Variants in UPP2 observed in about 807,000 individuals in gnomAD.
The protein encoded by UPP2 is uridine phosphorylase 2, also known as UPase 2.
In UPP2, 23 loss-of-function variants were observed where a neutral mutation model predicts 26.7. That is an observed-to-expected ratio of 0.86 (90% CI 0.62 to 1.22). The LOEUF is 1.22. Among genes scored for constraint, UPP2 ranks in the 50% most tolerant of loss-of-function variants. UPP2 has a pLI of 0.00. For missense variants in UPP2, 387 were observed against 396.7 expected, an observed-to-expected ratio of 0.98 and a Z score of 0.21; for synonymous variants, 127 against 141.3, an observed-to-expected ratio of 0.90 and a Z score of 0.72.
chr2:158,080,468 T>A lies in UPP2; in HGVS notation c.148-21572T>A, dbSNP rs141889544. Among the ~76,000 whole-genome samples, 96 of 152,270 alleles carry A rather than the reference T, an allele frequency of 6.3e-4. 3 individuals are homozygous for A. In the East Asian group the frequency reaches 0.016, roughly 26 times the overall value. On this transcript the variant is annotated intron_variant, in intron 3 of 9. Transcript: ENST00000605860. ...CTGTGACAGAATTGTGCTGTACTGT[T>A]TTTCTTGCTTCCACAGCCAAGAGAA...
At chr2:158,035,925 A>G (rs550794440) in intron 3 of UPP2, among the ~76,000 whole-genome samples, 1 of 152,350 alleles carries the variant, frequency 6.6e-6, no homozygotes, top group African/African-American at 2.4e-5. Context: ...TTTTCACGTT[A>G]AACATACATT....
chr2:158,006,352 C>T (rs1683487769), intron 2 of UPP2, among the ~76,000 whole-genome samples: 1 of 151,840 alleles, frequency 6.6e-6, no homozygotes, highest in Non-Finnish European at 1.5e-5. Flanking sequence ...GCCTGTAGTC[C>T]CAGCTACTCT....
At chr2:158,027,728 G>A (rs1198126866) in intron 3 of UPP2, among the ~76,000 whole-genome samples, 2 of 152,192 alleles carry the variant, frequency 1.3e-5, no homozygotes, top group Non-Finnish European at 2.9e-5. Context: ...TTCTCCATGA[G>A]TGCCCCACCC....
chr2:158,012,988 C>G (rs75610766), intron 2 of UPP2, among the ~76,000 whole-genome samples: 8,137 of 151,902 alleles, frequency 0.054, 743 homozygotes, highest in African/African-American at 0.18. Context: ...TAGATTGTTT[C>G]GAATTTAAGC....
chr2:158,127,464 A>AG (rs1238339665), intron 6 of UPP2, among the ~76,000 whole-genome samples: 1 of 151,086 alleles, frequency 6.6e-6, no homozygotes, highest in Non-Finnish European at 1.5e-5. Context: ...GAGTGAATGA[A>AG]AAAAAAAAGG....
rs569110835 is a variant in UPP2, at chr2:158,076,901, G to T, written c.148-25139G>T. On this transcript the variant is annotated intron_variant, in intron 3 of 9. Transcript: ENST00000605860. ...AATTATTCTTGTTTGCAGATGATAT[G>T]ATCTTATATTTGGAAAAACCTAAAA... is the stretch of plus-strand genomic sequence containing the variant. Among the ~76,000 whole-genome samples the T allele has an allele frequency of 3.3e-5, 5 of 152,144 alleles. No homozygotes were observed. The South Asian group carries it at 1.0e-3, about 32-fold the overall frequency.
At chr2:158,010,874 T>TG (rs1683566235) in intron 2 of UPP2, among the ~76,000 whole-genome samples, 1 of 152,032 alleles carries the variant, frequency 6.6e-6, no homozygotes, top group East Asian at 1.9e-4. Flanking sequence ...CAAGTGATTC[T>TG]GGTGCCTTAG....
At chr2:158,076,673 C>T (rs1198988915) in intron 3 of UPP2, among the ~76,000 whole-genome samples, 2 of 151,916 alleles carry the variant, frequency 1.3e-5, no homozygotes, top group African/African-American at 4.8e-5. Flanking sequence ...CATACCTCAA[C>T]ACAATAAAAG....
intron 3 of UPP2, among the ~76,000 whole-genome samples, chr2:158,040,855 T>C (rs557074157): frequency 4.6e-5 from 7 of 152,222 alleles, no homozygotes; most frequent in Non-Finnish European, 7.3e-5. Context: ...TGGGTTGGAA[T>C]GTAACTAATA....
At chr2:158,128,909 G>C (rs1351988590) in intron 6 of UPP2, among the ~76,000 whole-genome samples, 6 of 151,710 alleles carry the variant, frequency 4.0e-5, no homozygotes, top group Non-Finnish European at 2.9e-5. Flanking sequence ...AGTATGCAGA[G>C]CCCTCATTTT....
At chr2:158,084,879 C>G (rs1416939821) in intron 3 of UPP2, among the ~76,000 whole-genome samples, 1 of 152,134 alleles carries the variant, frequency 6.6e-6, no homozygotes, top group African/African-American at 2.4e-5. Flanking sequence ...TAGTACCATG[C>G]TGTTTTGGTG....
chr2:158,132,418 G>T (rs963072592), intron 6 of UPP2, among the ~76,000 whole-genome samples: 4 of 152,194 alleles, frequency 2.6e-5, no homozygotes, highest in African/African-American at 9.6e-5. Context: ...CTGACCAGCT[G>T]TGTAATACTG....
At chr2:158,121,276 G>C (rs1683560309) in intron 4 of UPP2, 133 bp from the exon 5 acceptor site, 3 of 809,072 alleles carry the variant, frequency 3.7e-6, no homozygotes, top group Non-Finnish European at 6.1e-6. Context: ...ATTTGGAAAA[G>C]AAAATAATTT....
At chr2:158,081,176 A>G (rs546134964) in intron 3 of UPP2, among the ~76,000 whole-genome samples, 1 of 152,058 alleles carries the variant, frequency 6.6e-6, no homozygotes, top group East Asian at 1.9e-4. Context: ...TTTTGGAAAA[A>G]CAGGACCATT....
chr2:158,111,245 T>C (rs1352933135), intron 2 of UPP2, among the ~76,000 whole-genome samples: 1 of 152,214 alleles, frequency 6.6e-6, no homozygotes, highest in Admixed American at 6.5e-5. Flanking sequence ...ACTTTATTTC[T>C]GACAGTTTTT....
intron 6 of UPP2, among the ~76,000 whole-genome samples, chr2:158,124,417 G>A (rs78406639): frequency 0.017 from 2,561 of 152,212 alleles, 79 homozygotes; most frequent in African/African-American, 0.058. Context: ...GTGGAGAATG[G>A]GAGGAGAGAG....
intron 3 of UPP2, among the ~76,000 whole-genome samples, chr2:158,016,349 T>A (rs1463957162): frequency 1.3e-5 from 2 of 152,002 alleles, no homozygotes; most frequent in East Asian, 1.9e-4. Context: ...TTAGATGATT[T>A]TTTTTTTTGA....
intron 3 of UPP2, among the ~76,000 whole-genome samples, chr2:158,058,738 C>T (rs969159377): frequency 6.6e-6 from 1 of 151,406 alleles, no homozygotes; most frequent in African/African-American, 2.5e-5. Context: ...ATTTCCTGCC[C>T]AGTCCTAAAA....
intron 3 of UPP2, among the ~76,000 whole-genome samples, chr2:158,079,291 T>A (rs1260952057): frequency 1.3e-5 from 2 of 151,848 alleles, no homozygotes; most frequent in African/African-American, 4.8e-5. Flanking sequence ...TTAAAAATAA[T>A]TTTTTTTAAA....
Sources: allele counts gnomAD v4.1 joint callset (sites outside exome capture counted in the v4.1 genomes callset), GRCh38; gene constraint gnomAD v4.1.1; transcripts MANE v1.5; gene names NCBI Gene and HGNC (gene_info 2026-07-23, HGNC 2026-07-21).